The following ARHGEF10L variants were observed in gnomAD, a reference collection of about 807,000 sequenced individuals.
ARHGEF10L encodes the protein Rho guanine nucleotide exchange factor 10 like, also known as rho guanine nucleotide exchange factor 10-like protein.
A neutral mutation model predicts 141.2 loss-of-function variants in ARHGEF10L; 69 were observed. The observed-to-expected ratio is 0.49, with a 90% CI of 0.40 to 0.60. The LOEUF (loss-of-function observed/expected upper bound fraction) is 0.60. Among genes scored for constraint, ARHGEF10L ranks in the 20% least tolerant of loss-of-function variants. ARHGEF10L has a pLI of 0.00. For missense variants in ARHGEF10L, 1,482 were observed against 1,734.3 expected (o/e 0.85, Z 2.58); for synonymous variants, 711 against 718.5 (o/e 0.99, Z 0.17).
chr1:17,585,863 C>T (rs1557748464), intron 2 of ARHGEF10L, among the ~76,000 whole-genome samples: 1 of 152,172 alleles, frequency 6.6e-6, no homozygotes. Context: ...GGGCTGGGTC[C>T]GCAGACCCAT....
Position 17,616,218 on chromosome 1 carries a change from A to G in ARHGEF10L, c.835+16A>G. ...GACGTCCTCGGTGAGGCGCTGCCCGAGCGGGAGGGTCTGGTGCCCAGCTCT... is the reference window on the plus strand; with the variant it reads ...GACGTCCTCGGTGAGGCGCTGCCCGGGCGGGAGGGTCTGGTGCCCAGCTCT... On this transcript the variant is annotated intron_variant, in intron 9 of 28. Transcript: ENST00000361221. 6.7e-7 allele frequency: 1 copy of G among 1,495,920 alleles called. No homozygotes were observed. 92.7% of individuals were successfully genotyped at this position (1,495,920 alleles called of 1,614,324 possible).
At chr1:17,669,038 C>T (rs1233019953) in intron 26 of ARHGEF10L, among the ~76,000 whole-genome samples, 2 of 152,214 alleles carry the variant, frequency 1.3e-5, no homozygotes, top group African/African-American at 2.4e-5. Context: ...CGTATGTGTG[C>T]CTAGGGCTCA....
upstream of ARHGEF10L, among the ~76,000 whole-genome samples, chr1:17,536,959 TC>T: frequency 6.6e-6 from 1 of 152,234 alleles, no homozygotes; most frequent in Non-Finnish European, 1.5e-5. Context: ...AGCCTCAAAC[TC>T]CTGGGCTCAA....
chr1:17,619,278 G>A lies in ARHGEF10L; in HGVS notation c.836-61G>A. On this transcript the variant is annotated intron_variant, in intron 9 of 28. Transcript: ENST00000361221. The surrounding 1 kb of genome is among the most constrained non-coding windows in gnomAD (Gnocchi z 5.0). ...GTCTAGGGGGGCTCTCAGCTCCTGA[G>A]GCCTGAGCAGGGTGTGCTGTCCCTG... is the stretch of plus-strand genomic sequence containing the variant. 1 of 1,514,306 alleles carries A rather than the reference G, an allele frequency of 6.6e-7. No individual in the cohort carries two copies. The highest frequency in any genetic ancestry group is 2.3e-5 in the East Asian group (1 of 43,570). The allele number at this position is 1,514,306 out of a possible 1,614,324, so 93.8% of individuals were successfully genotyped here.
chr1:17,536,994 T>G (rs2100564161), upstream of ARHGEF10L, among the ~76,000 whole-genome samples: 1 of 152,280 alleles, frequency 6.6e-6, no homozygotes, highest in Admixed American at 6.6e-5. Flanking sequence ...CTCAGCCACC[T>G]GAGTAGCTGG....
chr1:17,520,664 T>A, the ARHGEF10L span, among the ~76,000 whole-genome samples: 1 of 152,172 alleles, frequency 6.6e-6, no homozygotes, highest in Admixed American at 6.5e-5. Context: ...GGTGCCTCTA[T>A]GGGTGTGACC....
chr1:17,632,201 C>T, intron 15 of ARHGEF10L, 120 bp from the exon 16 acceptor site: 1 of 1,303,506 alleles, frequency 7.7e-7, no homozygotes, highest in Non-Finnish European at 1.1e-6. Flanking sequence ...GTGGCTTCAT[C>T]TCCTCCACCT....
chr1:17,602,315 G>C, intron 5 of ARHGEF10L, 97 bp downstream of exon 5: 6 of 1,395,312 alleles, frequency 4.3e-6, no homozygotes, highest in Non-Finnish European at 5.9e-6. Flanking sequence ...GCTCCTGTGA[G>C]CCCAGGGTTC....
At chr1:17,595,851 C>G (rs2080044615) in intron 4 of ARHGEF10L, among the ~76,000 whole-genome samples, 2 of 152,176 alleles carry the variant, frequency 1.3e-5, no homozygotes, top group Non-Finnish European at 2.9e-5. Context: ...GTAGTGTTGC[C>G]TCATTTTACA....
At chr1:17,570,107 G>A (rs72921016) in intron 1 of ARHGEF10L, among the ~76,000 whole-genome samples, 1,867 of 152,352 alleles carry the variant, frequency 0.012, 37 homozygotes, top group African/African-American at 0.042. Context: ...GACTTGGGAC[G>A]AGGGATTTCT....
At chr1:17,565,914 G>A (rs1557714671) in intron 1 of ARHGEF10L, among the ~76,000 whole-genome samples, 15 of 152,132 alleles carry the variant, frequency 9.9e-5, no homozygotes. Flanking sequence ...GCCAGGTGGT[G>A]CAGATACAGA....
intron 13 of ARHGEF10L, among the ~76,000 whole-genome samples, chr1:17,624,773 C>T (rs1007859410): frequency 1.8e-4 from 27 of 152,192 alleles, no homozygotes; most frequent in African/African-American, 6.5e-4. Context: ...TGACCCTTTG[C>T]CTCCTGTGCC....
upstream of ARHGEF10L, among the ~76,000 whole-genome samples, chr1:17,537,823 C>A (rs1235981304): frequency 2.9e-5 from 4 of 139,926 alleles, no homozygotes; most frequent in East Asian, 6.3e-4. Flanking sequence ...TCAAGACCAG[C>A]CTGGACAACA....
intron 1 of ARHGEF10L, among the ~76,000 whole-genome samples, chr1:17,556,696 C>G (rs2077341889): frequency 6.6e-6 from 1 of 152,150 alleles, no homozygotes; most frequent in South Asian, 2.1e-4. Flanking sequence ...CCCAGACAAG[C>G]CTGCTAAGAA....
intron 1 of ARHGEF10L, among the ~76,000 whole-genome samples, chr1:17,541,646 C>T (rs1557683984): frequency 1.3e-5 from 2 of 152,064 alleles, no homozygotes; most frequent in Admixed American, 1.3e-4. Flanking sequence ...GCTTGGCCAA[C>T]ATGGTGAAAC....
chr1:17,584,547 T>C (rs929298181), intron 2 of ARHGEF10L, among the ~76,000 whole-genome samples: 2 of 152,106 alleles, frequency 1.3e-5, no homozygotes, highest in African/African-American at 2.4e-5. Flanking sequence ...TGGCATCATA[T>C]GCTGACAACA....
In ARHGEF10L at chr1:17,697,728, G is replaced by A. The variant is rs570434765; in HGVS notation, c.*348G>A. 2.0e-6 allele frequency: 1 copy of A among 506,182 alleles called. No homozygotes were observed. The highest frequency in any genetic ancestry group is 5.3e-5 in the East Asian group (1 of 18,772). The allele number at this position is 506,182 out of a possible 1,614,324, so 31.4% of individuals were successfully genotyped here. ...GCCCCTCCTGGAAGGGTGTGTGCGT[G>A]TGAGTGTGTGCGAGTGTGTGGGCTG... On this transcript the variant is annotated 3_prime_UTR_variant, in exon 29 of 29. Transcript: ENST00000361221. The surrounding 1 kb of genome is among the most constrained non-coding windows in gnomAD (Gnocchi z 4.8).
intron 9 of ARHGEF10L, chr1:17,618,509 T>C: frequency 3.4e-6 from 5 of 1,449,312 alleles, no homozygotes; most frequent in Non-Finnish European, 4.6e-6. Context: ...CCTCCTCCTC[T>C]GTCTCCTGCT....
intron 27 of ARHGEF10L, chr1:17,694,070 T>TGCA (rs2065305838): frequency 6.6e-6 from 1 of 152,322 alleles, no homozygotes; most frequent in Admixed American, 6.5e-5. Context: ...TTGGCAACAG[T>TGCA]GCAGCAGCAG....
Sources: allele counts gnomAD v4.1 joint callset (sites outside exome capture counted in the v4.1 genomes callset), GRCh38; gene constraint gnomAD v4.1.1; non-coding constraint Gnocchi (gnomAD v3.1); transcripts MANE v1.5; gene names NCBI Gene and HGNC (gene_info 2026-07-23, HGNC 2026-07-21).